The following IQSEC3 variants were observed in gnomAD, a reference collection of about 807,000 sequenced individuals.
IQSEC3 encodes IQ motif and SEC7 domain-containing protein 3.
A neutral mutation model predicts 105.4 loss-of-function variants in IQSEC3; 50 were observed. The ratio of observed to expected loss-of-function variants is 0.47; its 90% CI spans 0.38 to 0.60. The LOEUF is 0.60. Ranked by LOEUF, IQSEC3 falls within the 20% of genes least tolerant of loss-of-function variation. The pLI is 0.00. For missense variants in IQSEC3, 1,415 were observed against 1,630.0 expected, an observed-to-expected ratio of 0.87 and a Z score of 2.27; for synonymous variants, 708 against 746.0, an observed-to-expected ratio of 0.95 and a Z score of 0.83.
At chr12:108,317 T>C (rs1555078583) in intron 2 of IQSEC3, among the ~76,000 whole-genome samples, 1 of 152,242 alleles carries the variant, frequency 6.6e-6, no homozygotes, top group Non-Finnish European at 1.5e-5. Flanking sequence ...TATCTGGAAA[T>C]AGCATATACA....
intron 5 of IQSEC3, among the ~76,000 whole-genome samples, chr12:155,340 C>G (rs1399711498): frequency 2.0e-5 from 3 of 152,218 alleles, no homozygotes; most frequent in Admixed American, 6.5e-5. Context: ...CCCACTGTCC[C>G]GGCCAGCAAG....
intron 3 of IQSEC3, among the ~76,000 whole-genome samples, chr12:127,434 T>C (rs1398361123): frequency 6.6e-6 from 1 of 152,092 alleles, no homozygotes; most frequent in Non-Finnish European, 1.5e-5. Context: ...CAGAATTCCT[T>C]GAATGCGGGA....
chr12:91,757 G>A (rs372673420), intron 1 of IQSEC3, among the ~76,000 whole-genome samples: 2 of 152,260 alleles, frequency 1.3e-5, no homozygotes, highest in Admixed American at 6.5e-5. Flanking sequence ...CTCCAGGCTG[G>A]GCGATGGAGT....
Position 174,904 on chromosome 12 carries a change from G to T in IQSEC3, c.3420G>T (p.Pro1140=). 6.4e-7 allele frequency: 1 copy of T among 1,559,936 alleles called. No individual in the cohort carries two copies. The highest frequency in any genetic ancestry group is 8.6e-7 in the Non-Finnish European group (1 of 1,161,066). ...GSTPLGGPGS[P]VKVTHQPPLP... is the part of the protein sequence containing the mutation. ...CACCCCTGGGCGGTCCCGGCTCTCC[G>T]GTCAAGGTCACCCACCAGCCTCCGC... The change falls in exon 14 of 14, where the codon CCG becomes CCT. Residue 1140 remains proline (P), a synonymous_variant. Coordinates refer to ENST00000538872, the MANE Select transcript of IQSEC3 (RefSeq NM_001170738.2).
At chr12:102,549 G>T (rs1864460942) in intron 2 of IQSEC3, among the ~76,000 whole-genome samples, 1 of 152,184 alleles carries the variant, frequency 6.6e-6, no homozygotes, top group African/African-American at 2.4e-5. Context: ...GCTCAGCCCA[G>T]AGGAAAGTCT....
intron 13 of IQSEC3, among the ~76,000 whole-genome samples, 178 bp from the exon 14 acceptor site, chr12:174,421 C>A (rs1939161963): frequency 1.3e-5 from 2 of 152,132 alleles, no homozygotes; most frequent in Admixed American, 1.3e-4. Context: ...CTCCTCTCTC[C>A]CCCCTGGGCA....
intron 1 of IQSEC3, among the ~76,000 whole-genome samples, chr12:97,437 T>C (rs1248081293): frequency 6.6e-6 from 1 of 152,228 alleles, no homozygotes; most frequent in African/African-American, 2.4e-5. Context: ...ACATAAGCTA[T>C]ATTCCTAAGC....
At chr12:126,436 C>A (rs1865412162) in intron 3 of IQSEC3, among the ~76,000 whole-genome samples, 2 of 152,188 alleles carry the variant, frequency 1.3e-5, no homozygotes, top group South Asian at 2.1e-4. Flanking sequence ...GGGCCTGGGC[C>A]TCCATTTTCC....
chr12:138,740 G>T lies in IQSEC3; in HGVS notation c.1377G>T (p.Ala459=). ...CCGAGGGGCGGGCGCCGGAGAGCGC[G>T]GGCCCCGGGCCCGGGGATGACGCCG... ...LEAEGRAPES[A]GPGPGDDAAE... The change falls in exon 4 of 14, where the codon GCG becomes GCT. Residue 459 remains alanine (A), a synonymous_variant. Coordinates refer to ENST00000538872, the MANE Select transcript of IQSEC3 (RefSeq NM_001170738.2). This position sits in a 1 kb window ranked among gnomAD's most constrained non-coding sequence, Gnocchi z 7.1. The T allele has an allele frequency of 6.6e-7, 1 of 1,514,798 alleles. No individual in the cohort carries two copies. The highest frequency in any genetic ancestry group is 8.8e-7 in the Non-Finnish European group (1 of 1,136,796). 93.8% of individuals were successfully genotyped at this position (1,514,798 alleles called of 1,614,324 possible). A position where few individuals can be genotyped will look rare whatever the true frequency, so the allele number is the denominator to read the frequency against.
Position 152,729 on chromosome 12 carries a change from G to C in IQSEC3, c.2154-4296G>C, listed in dbSNP as rs1866550164. On this transcript the variant is annotated intron_variant, in intron 5 of 13. Coordinates refer to ENST00000538872, the MANE Select transcript of IQSEC3 (RefSeq NM_001170738.2). This position sits in a 1 kb window ranked among gnomAD's most constrained non-coding sequence, Gnocchi z 4.8. Reference sequence around the variant, plus strand: ...CACACACACAGGAGTGAAGAGAAGAGAGCCCAGTGGGGCAGGGAGAGGCCT... The same window carrying C: ...CACACACACAGGAGTGAAGAGAAGACAGCCCAGTGGGGCAGGGAGAGGCCT... 6.6e-6 allele frequency among the ~76,000 whole-genome samples: 1 copy of C among 152,162 alleles called. No individual in the cohort carries two copies. Among genetic ancestry groups the C allele is most frequent in the African/African-American group, 2.4e-5 (1 of 41,432 alleles).
At chr12:97,548 C>T (rs1169859914) in intron 1 of IQSEC3, among the ~76,000 whole-genome samples, 1 of 152,200 alleles carries the variant, frequency 6.6e-6, no homozygotes, top group Admixed American at 6.5e-5. Context: ...GGTGTGATGG[C>T]TCATGCCTGT....
intron 3 of IQSEC3, among the ~76,000 whole-genome samples, chr12:126,815 A>C (rs1865431091): frequency 6.6e-6 from 1 of 152,222 alleles, no homozygotes; most frequent in Non-Finnish European, 1.5e-5. Flanking sequence ...TCTTCAACCC[A>C]ATAGGCAAGG....
chr12:149,172 G>C lies in IQSEC3; in HGVS notation c.2154-7853G>C, dbSNP rs1334183689. ...TTGCAGAAGCTCACAGGAAAGAGGG[G>C]GAGGCCTTAGCAAAACCGGTACCAC... On this transcript the variant is annotated intron_variant, in intron 5 of 13. Coordinates refer to ENST00000538872, the MANE Select transcript of IQSEC3 (RefSeq NM_001170738.2). The C allele has an allele frequency of 2.0e-5, 3 of 152,356 alleles. No individual in the cohort carries two copies. The South Asian group carries it at 6.2e-4, about 32-fold the overall frequency. 9.4% of individuals were successfully genotyped at this position (152,356 alleles called of 1,614,324 possible).
At chr12:161,407 C>A (rs1866884734) in intron 7 of IQSEC3, among the ~76,000 whole-genome samples, 1 of 152,098 alleles carries the variant, frequency 6.6e-6, no homozygotes, top group South Asian at 2.1e-4. Flanking sequence ...TGCCTGCTCC[C>A]CCACTGCTCC....
chr12:171,778 A>G (rs1224553011), intron 13 of IQSEC3, among the ~76,000 whole-genome samples: 22 of 152,178 alleles, frequency 1.4e-4, no homozygotes, highest in Admixed American at 1.4e-3. Context: ...AAAGAAAATG[A>G]GACAGAGTAG....
chr12:93,742 G>A (rs1249766474), intron 1 of IQSEC3, among the ~76,000 whole-genome samples: 2 of 152,152 alleles, frequency 1.3e-5, no homozygotes, highest in African/African-American at 4.8e-5. Context: ...TTGGAGGTGG[G>A]GCCTAACTCG....
Position 138,917 on chromosome 12 carries a change from C to T in IQSEC3, c.1554C>T (p.Ala518=), listed in dbSNP as rs782075579. 3.1e-6 allele frequency: 5 copies of T among 1,601,412 alleles called. No individual in the cohort carries two copies. In the East Asian group the frequency reaches 1.1e-4, roughly 36 times the overall value. ...ANCLGAQTVQ[A]PAEPAAGKAE... ...GCCTGGGCGCTCAGACGGTCCAGGC[C>T]CCCGCAGAGCCCGCGGCGGGCAAGG... The change falls in exon 4 of 14, where the codon GCC becomes GCT. Residue 518 remains alanine (A), a synonymous_variant. Transcript: ENST00000538872. The surrounding 1 kb of genome is among the most constrained non-coding windows in gnomAD (Gnocchi z 7.1).
intron 2 of IQSEC3, among the ~76,000 whole-genome samples, chr12:121,934 G>C (rs1218223439): frequency 5.9e-5 from 9 of 152,190 alleles, no homozygotes; most frequent in African/African-American, 2.2e-4. Flanking sequence ...GTAAGTAGCA[G>C]AGCCGGGATT....
intron 1 of IQSEC3, among the ~76,000 whole-genome samples, chr12:86,168 G>T (rs1447744075): frequency 1.3e-5 from 2 of 152,218 alleles, no homozygotes; most frequent in African/African-American, 4.8e-5. Context: ...TGCTGAAGGA[G>T]TTCAGAGGTG....
Sources: allele counts gnomAD v4.1 joint callset (sites outside exome capture counted in the v4.1 genomes callset), GRCh38; gene constraint gnomAD v4.1.1; non-coding constraint Gnocchi (gnomAD v3.1); transcripts MANE v1.5; gene names NCBI Gene and HGNC (gene_info 2026-07-23, HGNC 2026-07-21).